The following MAPKAP1 variants were observed in gnomAD, a reference collection of about 807,000 sequenced individuals.
MAPKAP1 encodes the protein target of rapamycin complex 2 subunit MAPKAP1.
A neutral mutation model predicts 65.7 loss-of-function variants in MAPKAP1; 20 were observed. The ratio of observed to expected loss-of-function variants is 0.30; its 90% confidence interval spans 0.21 to 0.44. MAPKAP1 has a LOEUF of 0.44. Ranked by LOEUF, MAPKAP1 falls within the 20% of genes least tolerant of loss-of-function variation. The pLI, the probability that MAPKAP1 is intolerant of heterozygous loss-of-function variation, is 1.00. For synonymous variants in MAPKAP1, 222 were observed against 244.3 expected (o/e 0.91, Z 0.85); for missense variants, 423 against 648.0 (o/e 0.65, Z 3.77).
chr9:125,494,593 C>T (rs1009818880), intron 8 of MAPKAP1, among the ~76,000 whole-genome samples: 2 of 152,150 alleles, frequency 1.3e-5, no homozygotes, highest in Non-Finnish European at 2.9e-5. Context: ...ATCATGGAAG[C>T]GGGGCCTACG....
chr9:125,530,506 A>G (rs562016515), intron 7 of MAPKAP1, among the ~76,000 whole-genome samples: 1 of 152,374 alleles, frequency 6.6e-6, no homozygotes, highest in East Asian at 1.9e-4. Flanking sequence ...AGGCAATTAC[A>G]GTTTGTTCAC....
At chr9:125,602,893 G>T (rs772458031) in intron 4 of MAPKAP1, among the ~76,000 whole-genome samples, 1 of 151,936 alleles carries the variant, frequency 6.6e-6, no homozygotes, top group African/African-American at 2.4e-5. Flanking sequence ...CTCTGATTCC[G>T]TTTTCTCTCC....
Position 125,672,605 on chromosome 9 carries a change from T to C in MAPKAP1, c.-31A>G. ...CTGTGGGCCAATTTCCTTAAAAGGCTATTTTCTCCTCTTCATATTGTTTCA... is the reference window on the plus strand; with the variant it reads ...CTGTGGGCCAATTTCCTTAAAAGGCCATTTTCTCCTCTTCATATTGTTTCA... On this transcript the variant is annotated 5_prime_UTR_variant, in exon 2 of 12. It adds an upstream start codon to the 5' untranslated region. Transcript: ENST00000265960. The C allele has an allele frequency of 6.2e-7, 1 of 1,609,146 alleles. No individual in the cohort carries two copies. Among genetic ancestry groups the C allele is most frequent in the South Asian group, 1.1e-5 (1 of 90,542 alleles).
intron 1 of MAPKAP1, among the ~76,000 whole-genome samples, chr9:125,697,074 C>A (rs2131866549): frequency 6.6e-6 from 1 of 152,268 alleles, no homozygotes; most frequent in Admixed American, 6.5e-5. Flanking sequence ...GATAATGATA[C>A]CACCAATACG....
At chr9:125,509,990 C>T (rs1027631279) in intron 7 of MAPKAP1, among the ~76,000 whole-genome samples, 4 of 152,164 alleles carry the variant, frequency 2.6e-5, no homozygotes, top group African/African-American at 4.8e-5. Flanking sequence ...CTGAAAGTAG[C>T]TTCTTGGACT....
At chr9:125,538,866 T>G (rs1830151926) in intron 7 of MAPKAP1, among the ~76,000 whole-genome samples, 1 of 152,070 alleles carries the variant, frequency 6.6e-6, no homozygotes, top group Non-Finnish European at 1.5e-5. Context: ...TACAGATACG[T>G]TATGGATCGA....
intron 9 of MAPKAP1, among the ~76,000 whole-genome samples, chr9:125,479,969 T>A (rs1358983632): frequency 6.6e-6 from 1 of 152,208 alleles, no homozygotes; most frequent in African/African-American, 2.4e-5. Flanking sequence ...GCTAGTCAGG[T>A]GAAATAAAAT....
intron 5 of MAPKAP1, among the ~76,000 whole-genome samples, chr9:125,576,717 C>T (rs1053636435): frequency 1.8e-4 from 28 of 152,376 alleles, no homozygotes; most frequent in African/African-American, 6.3e-4. Flanking sequence ...GACGGGGTTT[C>T]GCTGTGTTGG....
At chr9:125,606,905 T>C (rs1174521167) in intron 4 of MAPKAP1, among the ~76,000 whole-genome samples, 1 of 152,140 alleles carries the variant, frequency 6.6e-6, no homozygotes, top group Non-Finnish European at 1.5e-5. Flanking sequence ...AGACGGCTCA[T>C]GGGTAGAAAG....
chr9:125,445,742 G>T (rs188797459), intron 10 of MAPKAP1, among the ~76,000 whole-genome samples: 8 of 152,402 alleles, frequency 5.2e-5, no homozygotes, highest in Admixed American at 1.3e-4. Context: ...CATGGGGGCT[G>T]CCCCGGCCTA....
chr9:125,531,504 G>T (rs1829932338), intron 7 of MAPKAP1, among the ~76,000 whole-genome samples: 1 of 152,192 alleles, frequency 6.6e-6, no homozygotes, highest in African/African-American at 2.4e-5. Flanking sequence ...ATCAATGGGA[G>T]AAACTATGAC....
chr9:125,526,418 C>A (rs1307548250), intron 7 of MAPKAP1, among the ~76,000 whole-genome samples: 1 of 152,234 alleles, frequency 6.6e-6, no homozygotes, highest in Non-Finnish European at 1.5e-5. Flanking sequence ...TCCAATGGGA[C>A]AGAGTATCCA....
chr9:125,632,344 T>C (rs829311), intron 4 of MAPKAP1, among the ~76,000 whole-genome samples: 70,579 of 152,092 alleles, frequency 0.46, 18,180 homozygotes, highest in Non-Finnish European at 0.57. Context: ...TTAGGGACTA[T>C]CTCATTCACT....
intron 4 of MAPKAP1, among the ~76,000 whole-genome samples, chr9:125,613,338 T>C (rs1377142856): frequency 3.9e-5 from 6 of 152,246 alleles, no homozygotes; most frequent in Non-Finnish European, 5.9e-5. Flanking sequence ...TGCTGGCTGA[T>C]GGCTATCAGC....
At chr9:125,542,589 C>T (rs1002434178) in intron 7 of MAPKAP1, among the ~76,000 whole-genome samples, 3 of 151,582 alleles carry the variant, frequency 2.0e-5, no homozygotes, top group Non-Finnish European at 4.4e-5. Flanking sequence ...TCTTTTTATT[C>T]GTCTTTTTTT....
chr9:125,510,191 A>T (rs538084554), intron 7 of MAPKAP1, among the ~76,000 whole-genome samples: 1 of 152,176 alleles, frequency 6.6e-6, no homozygotes, highest in Non-Finnish European at 1.5e-5. Flanking sequence ...GGAAGGGGGA[A>T]AAATGAAACC....
At chr9:125,549,570 T>C (rs1564552916) in intron 6 of MAPKAP1, among the ~76,000 whole-genome samples, 1 of 152,220 alleles carries the variant, frequency 6.6e-6, no homozygotes, top group South Asian at 2.1e-4. Context: ...ATGTTTGACA[T>C]TGGACAAAGT....
intron 7 of MAPKAP1, among the ~76,000 whole-genome samples, chr9:125,517,954 G>GT (rs11430849): frequency 0.1 from 15,672 of 152,124 alleles, 1,677 homozygotes; most frequent in African/African-American, 0.28. Context: ...TGAAGACGGG[G>GT]TGGGAGGCTT....
Position 125,589,575 on chromosome 9 carries a change from G to A in MAPKAP1, c.499-3848C>T, listed in dbSNP as rs117859662. ...TTTCCTGGTCATAGGTGAAAGTGGA[G>A]GGACTTGAGCAATCATGCGGTTCCA... On this transcript the variant is annotated intron_variant, in intron 4 of 11. Coordinates refer to ENST00000265960, the MANE Select transcript of MAPKAP1 (RefSeq NM_001006617.3). 5.8e-3 allele frequency among the ~76,000 whole-genome samples: 881 copies of A among 152,302 alleles called. 5 individuals carry two copies. The highest frequency in any genetic ancestry group is 9.4e-3 in the Non-Finnish European group (640 of 68,030).
Sources: gnomAD v4.1 joint callset for allele counts (sites outside exome capture counted in the v4.1 genomes callset) on GRCh38, gnomAD v4.1.1 for gene constraint, MANE v1.5 for transcripts, NCBI Gene and HGNC (gene_info 2026-07-23, HGNC 2026-07-21) for gene names.